Variants in CTIF observed in about 807,000 individuals in gnomAD.
CTIF encodes the protein cap binding complex dependent translation initiation factor, also known as CBP80/20-dependent translation initiation factor.
A neutral mutation model predicts 66.0 loss-of-function variants in CTIF; 21 were observed. The ratio of observed to expected loss-of-function variants is 0.32; its 90% confidence interval spans 0.23 to 0.46. The LOEUF is 0.46. CTIF is among the 20% of genes least tolerant of loss of function. The pLI, the probability that CTIF is intolerant of heterozygous loss-of-function variation, is 1.00. For synonymous variants in CTIF, 345 were observed against 326.4 expected (o/e 1.06, Z -0.62); for missense variants, 739 against 812.7 (o/e 0.91, Z 1.10).
intron 6 of CTIF, among the ~76,000 whole-genome samples, chr18:48,693,509 C>T (rs1272894506): frequency 6.6e-6 from 1 of 152,162 alleles, no homozygotes; most frequent in Non-Finnish European, 1.5e-5. Context: ...GGGCTGAGAG[C>T]CACCAACCTC....
At chr18:48,560,182 G>T (rs932492463) in intron 1 of CTIF, among the ~76,000 whole-genome samples, 4 of 151,660 alleles carry the variant, frequency 2.6e-5, no homozygotes, top group Non-Finnish European at 5.9e-5. Flanking sequence ...TGGGGACACA[G>T]ACCCTACTTC....
intron 7 of CTIF, among the ~76,000 whole-genome samples, chr18:48,712,071 A>G (rs992602177): frequency 6.6e-6 from 1 of 152,172 alleles, no homozygotes; most frequent in African/African-American, 2.4e-5. Context: ...GTTTTGAGAC[A>G]TGGCCTCCAG....
At chr18:48,743,738 T>A (rs1180584446) in intron 7 of CTIF, among the ~76,000 whole-genome samples, 1 of 152,230 alleles carries the variant, frequency 6.6e-6, no homozygotes, top group Non-Finnish European at 1.5e-5. Context: ...AAAACTGTAT[T>A]TGACATAAAA....
intron 2 of CTIF, among the ~76,000 whole-genome samples, chr18:48,623,407 C>T (rs1421139413): frequency 6.6e-6 from 1 of 152,204 alleles, no homozygotes; most frequent in African/African-American, 2.4e-5. Flanking sequence ...GGGGTACCGA[C>T]TCTGGAAGAG....
chr18:48,722,016 G>A (rs1047886728), intron 7 of CTIF, among the ~76,000 whole-genome samples: 1 of 152,168 alleles, frequency 6.6e-6, no homozygotes, highest in Admixed American at 6.5e-5. Flanking sequence ...AGTTCTGAAA[G>A]ACATGTTGGA....
chr18:48,590,338 G>C (rs926774811), intron 1 of CTIF, among the ~76,000 whole-genome samples: 8 of 151,924 alleles, frequency 5.3e-5, no homozygotes, highest in South Asian at 2.1e-4. Flanking sequence ...CAAGGGGCAT[G>C]GACCTTGCTG....
At chr18:48,629,216 C>T (rs962933477) in intron 2 of CTIF, among the ~76,000 whole-genome samples, 2 of 152,222 alleles carry the variant, frequency 1.3e-5, no homozygotes, top group African/African-American at 4.8e-5. Context: ...GAAGACCTGG[C>T]CTGTGGACCC....
At chr18:48,759,797 T>C (rs922113256) in intron 8 of CTIF, among the ~76,000 whole-genome samples, 1 of 152,096 alleles carries the variant, frequency 6.6e-6, no homozygotes, top group Admixed American at 6.5e-5. Context: ...GAGGGGTACA[T>C]GGGGGAATGG....
chr18:48,601,032 A>C, intron 1 of CTIF, among the ~76,000 whole-genome samples: 1 of 152,176 alleles, frequency 6.6e-6, no homozygotes, highest in East Asian at 1.9e-4. Flanking sequence ...GGGTAGACAC[A>C]TTTCCAATTT....
chr18:48,619,623 G>A lies in CTIF; in HGVS notation c.58G>A (p.Glu20Lys). 1.9e-6 allele frequency: 3 copies of A among 1,605,168 alleles called. No homozygotes were observed. Among genetic ancestry groups the A allele is most frequent in the Non-Finnish European group, 2.6e-6 (3 of 1,176,250 alleles). The change falls in exon 2 of 12, where the codon GAG becomes AAG. Residue 20 changes from glutamate to lysine, a missense_variant. Glu to Lys is a moderately conservative substitution (Grantham distance 56). Transcript: ENST00000256413. ...GGAGGCAGGGAGCAGCCGCTCCCAG[G>A]AGATCGAGGAGCTGGAGCGCTTCAT... ...SSEAGSSRSQ[E>K]IEELERFIDS...
intron 6 of CTIF, among the ~76,000 whole-genome samples, chr18:48,693,261 C>G (rs2145291694): frequency 6.6e-6 from 1 of 152,272 alleles, no homozygotes; most frequent in South Asian, 2.1e-4. Flanking sequence ...TTGGCCCTTT[C>G]CCACCCACAA....
intron 10 of CTIF, among the ~76,000 whole-genome samples, chr18:48,822,256 AT>A (rs2068498943): frequency 1.3e-5 from 2 of 152,086 alleles, no homozygotes; most frequent in Non-Finnish European, 2.9e-5. Flanking sequence ...TACATGTGAT[AT>A]TTTGTTACAT....
chr18:48,577,072 T>C (rs1365444805), intron 1 of CTIF, among the ~76,000 whole-genome samples: 1 of 152,174 alleles, frequency 6.6e-6, no homozygotes, highest in Non-Finnish European at 1.5e-5. Context: ...CAGGCTGGCC[T>C]GGGGGAGCCA....
chr18:48,720,076 G>A (rs548136483), intron 7 of CTIF, among the ~76,000 whole-genome samples: 1 of 152,308 alleles, frequency 6.6e-6, no homozygotes, highest in South Asian at 2.1e-4. Flanking sequence ...TAATAGTTCA[G>A]TATTCACTAA....
At chr18:48,722,542 A>T (rs1037676830) in intron 7 of CTIF, among the ~76,000 whole-genome samples, 1 of 152,058 alleles carries the variant, frequency 6.6e-6, no homozygotes. Context: ...TTGAGATCGT[A>T]TGCTGCCCAG....
At chr18:48,706,736 T>C (rs537707646) in intron 6 of CTIF, among the ~76,000 whole-genome samples, 2 of 152,242 alleles carry the variant, frequency 1.3e-5, no homozygotes, top group African/African-American at 4.8e-5. Context: ...CGCCCCTCAG[T>C]GTCATGTCTT....
chr18:48,625,745 C>T (rs2144502381), intron 2 of CTIF, among the ~76,000 whole-genome samples: 1 of 152,256 alleles, frequency 6.6e-6, no homozygotes, highest in East Asian at 1.9e-4. Flanking sequence ...ATTTATTTAA[C>T]CATTTGCTTA....
intron 9 of CTIF, among the ~76,000 whole-genome samples, chr18:48,778,938 C>T (rs964356244): frequency 2.0e-5 from 3 of 152,184 alleles, no homozygotes; most frequent in African/African-American, 7.2e-5. Flanking sequence ...AAAGCTGTTT[C>T]AGCCCTGACT....
intron 9 of CTIF, among the ~76,000 whole-genome samples, chr18:48,778,928 A>C (rs1910953298): frequency 6.6e-6 from 1 of 152,208 alleles, no homozygotes; most frequent in African/African-American, 2.4e-5. Context: ...ATGATGCCAC[A>C]AAGCTGTTTC....
Sources: allele counts gnomAD v4.1 joint callset (sites outside exome capture counted in the v4.1 genomes callset), GRCh38; gene constraint gnomAD v4.1.1; transcripts MANE v1.5; gene names NCBI Gene and HGNC (gene_info 2026-07-23, HGNC 2026-07-21).